Variants in EPHA6 observed in about 807,000 individuals in gnomAD.
EPHA6 encodes the protein ephrin type-A receptor 6.
EPHA6 carries 50 observed loss-of-function variants against 112.0 expected under a neutral mutation model. The ratio of observed to expected loss-of-function variants is 0.45; its 90% CI spans 0.36 to 0.56. The LOEUF (loss-of-function observed/expected upper bound fraction) is 0.56. Among genes scored for constraint, EPHA6 ranks in the 20% least tolerant of loss-of-function variants. The pLI is 0.00. For missense variants in EPHA6, 1,280 were observed against 1,417.4 expected, an observed-to-expected ratio of 0.90 and a Z score of 1.56; for synonymous variants, 529 against 490.7, an observed-to-expected ratio of 1.08 and a Z score of -1.03.
At chr3:97,038,233 T>C (rs999338290) in intron 3 of EPHA6, among the ~76,000 whole-genome samples, 5 of 151,994 alleles carry the variant, frequency 3.3e-5, no homozygotes, top group African/African-American at 9.7e-5. Flanking sequence ...ATCCTGCTGC[T>C]CTTTTGAACA....
Position 97,398,214 on chromosome 3 carries a change from G to A in EPHA6, c.1607-6936G>A, listed in dbSNP as rs181467962. On this transcript the variant is annotated intron_variant, in intron 5 of 17. Transcript: ENST00000389672. ...TTATGAAGCAAAATGTAAAACACTG[G>A]TAATATTGCTTTAGACATTGTACAT... is the stretch of plus-strand genomic sequence containing the variant. 3.4e-3 allele frequency among the ~76,000 whole-genome samples: 520 copies of A among 151,430 alleles called. 4 individuals are homozygous for A. The highest frequency in any genetic ancestry group is 0.012 in the African/African-American group (489 of 41,454).
At chr3:97,329,086 G>A (rs962287189) in intron 5 of EPHA6, among the ~76,000 whole-genome samples, 11 of 150,998 alleles carry the variant, frequency 7.3e-5, no homozygotes, top group East Asian at 3.9e-4. Context: ...TTGTCCTTGC[G>A]ATAGTTTGCT....
chr3:97,401,758 A>AT (rs2087006300), intron 5 of EPHA6, among the ~76,000 whole-genome samples: 1 of 151,162 alleles, frequency 6.6e-6, no homozygotes, highest in South Asian at 2.1e-4. Context: ...GCATCATTAG[A>AT]TTTTTTATTT....
chr3:97,477,112 G>A (rs1186478517), intron 8 of EPHA6, among the ~76,000 whole-genome samples: 4 of 152,048 alleles, frequency 2.6e-5, no homozygotes, highest in African/African-American at 9.7e-5. Flanking sequence ...GCAAACCTCT[G>A]ACAGCTAACT....
chr3:97,039,878 C>T (rs1436342673), intron 3 of EPHA6, among the ~76,000 whole-genome samples: 2 of 151,956 alleles, frequency 1.3e-5, no homozygotes, highest in East Asian at 1.9e-4. Flanking sequence ...AGCCAGCCCT[C>T]GTAACCTTTA....
chr3:97,055,674 C>G (rs2045829547), intron 3 of EPHA6, among the ~76,000 whole-genome samples: 1 of 152,080 alleles, frequency 6.6e-6, no homozygotes, highest in African/African-American at 2.4e-5. Context: ...AAAACACTTG[C>G]AAATGATTTT....
chr3:97,502,218 G>C (rs1227190248), intron 10 of EPHA6, among the ~76,000 whole-genome samples: 1 of 148,098 alleles, frequency 6.8e-6, no homozygotes, highest in Non-Finnish European at 1.5e-5. Flanking sequence ...GCCCACGCTG[G>C]AGTGCAATGG....
At chr3:97,056,564 A>T (rs2108104978) in intron 3 of EPHA6, among the ~76,000 whole-genome samples, 1 of 152,276 alleles carries the variant, frequency 6.6e-6, no homozygotes, top group African/African-American at 2.4e-5. Flanking sequence ...GTACTGTATA[A>T]CGCCAGAAGT....
chr3:97,173,855 T>G (rs551735453), intron 3 of EPHA6, among the ~76,000 whole-genome samples: 33 of 151,958 alleles, frequency 2.2e-4, no homozygotes, highest in African/African-American at 7.5e-4. Context: ...GGGTATCCAT[T>G]TACTCAAGCA....
At chr3:97,166,329 T>C (rs1239223732) in intron 3 of EPHA6, among the ~76,000 whole-genome samples, 6 of 151,270 alleles carry the variant, frequency 4.0e-5, no homozygotes, top group African/African-American at 1.5e-4. Flanking sequence ...TCATCCTTTG[T>C]AGTCAGGAAA....
At chr3:97,220,567 G>C (rs989158054) in intron 3 of EPHA6, among the ~76,000 whole-genome samples, 4 of 152,202 alleles carry the variant, frequency 2.6e-5, no homozygotes, top group African/African-American at 9.6e-5. Context: ...CACAAGGCAA[G>C]AGGAAGGAGA....
chr3:97,729,551 T>A (rs1320735795), intron 15 of EPHA6, among the ~76,000 whole-genome samples: 1 of 152,016 alleles, frequency 6.6e-6, no homozygotes, highest in Non-Finnish European at 1.5e-5. Flanking sequence ...ATGATTCAAT[T>A]ACCTGCCACT....
intron 3 of EPHA6, among the ~76,000 whole-genome samples, chr3:97,169,259 C>T (rs568033725): frequency 1.3e-5 from 2 of 152,270 alleles, no homozygotes; most frequent in African/African-American, 2.4e-5. Context: ...AATCAAATCA[C>T]ATTCAATGTA....
At chr3:97,240,796 A>G (rs2078823356) in intron 4 of EPHA6, among the ~76,000 whole-genome samples, 1 of 151,852 alleles carries the variant, frequency 6.6e-6, no homozygotes, top group African/African-American at 2.4e-5. Flanking sequence ...GTTGGATTCA[A>G]CAAAGTGAAG....
chr3:97,651,187 T>C (rs2094105236), intron 14 of EPHA6, among the ~76,000 whole-genome samples: 1 of 152,102 alleles, frequency 6.6e-6, no homozygotes, highest in Non-Finnish European at 1.5e-5. Flanking sequence ...AAGAACATTG[T>C]CTTTAGTACA....
At chr3:97,029,260 A>G (rs1248682829) in intron 3 of EPHA6, among the ~76,000 whole-genome samples, 1 of 151,684 alleles carries the variant, frequency 6.6e-6, no homozygotes, top group Non-Finnish European at 1.5e-5. Context: ...TACAGCTTCT[A>G]GTAAGATCAA....
intron 6 of EPHA6, among the ~76,000 whole-genome samples, chr3:97,420,341 A>G (rs1196729661): frequency 6.6e-6 from 1 of 152,070 alleles, no homozygotes; most frequent in Non-Finnish European, 1.5e-5. Context: ...ACAAGAAACT[A>G]AAAACTGGGA....
At chr3:97,019,419 T>G (rs1028440820) in intron 3 of EPHA6, among the ~76,000 whole-genome samples, 4 of 152,146 alleles carry the variant, frequency 2.6e-5, no homozygotes, top group Non-Finnish European at 5.9e-5. Flanking sequence ...GTTTTTTTTC[T>G]TTTGCCATCA....
At chr3:97,669,449 A>G (rs1011904477) in intron 14 of EPHA6, among the ~76,000 whole-genome samples, 9 of 151,934 alleles carry the variant, frequency 5.9e-5, no homozygotes, top group African/African-American at 2.2e-4. Flanking sequence ...ACCTGTTTAG[A>G]AAAAATCCAG....
Sources: gnomAD v4.1 joint callset for allele counts (sites outside exome capture counted in the v4.1 genomes callset) on GRCh38, gnomAD v4.1.1 for gene constraint, MANE v1.5 for transcripts, NCBI Gene and HGNC (gene_info 2026-07-23, HGNC 2026-07-21) for gene names.